Variants in JAKMIP1 observed in about 807,000 individuals in gnomAD.
The protein encoded by JAKMIP1 is janus kinase and microtubule interacting protein 1, also known as janus kinase and microtubule-interacting protein 1.
JAKMIP1 carries 33 observed loss-of-function variants against 113.0 expected under a neutral mutation model. That is an observed-to-expected ratio of 0.29 (90% CI 0.22 to 0.39). The LOEUF (loss-of-function observed/expected upper bound fraction) is 0.39. Among genes scored for constraint, JAKMIP1 ranks in the 10% least tolerant of loss-of-function variants. The probability of loss-of-function intolerance (pLI) is 1.00; values close to 1 mark genes in which losing one functional copy is unlikely to be tolerated. For synonymous variants in JAKMIP1, 480 were observed against 459.9 expected (o/e 1.04, Z -0.56); for missense variants, 813 against 1,080.5 (o/e 0.75, Z 3.47).
chr4:6,078,004 A>G (rs576137488), intron 8 of JAKMIP1, among the ~76,000 whole-genome samples: 2 of 152,220 alleles, frequency 1.3e-5, no homozygotes, highest in East Asian at 1.9e-4. Context: ...GCCATTCACT[A>G]TCACATTTGC....
At position 6,040,528 on chromosome 4, in the gene JAKMIP1, T is replaced by C; in HGVS notation, c.2175+111A>G. 1.3e-6 allele frequency: 1 copy of C among 749,658 alleles called. No individual in the cohort carries two copies. The highest frequency in any genetic ancestry group is 2.4e-6 in the Non-Finnish European group (1 of 414,200). The allele number at this position is 749,658 out of a possible 1,614,324, so 46.4% of individuals were successfully genotyped here. ...AAGGTGGAGATGGCATTTTTATCAC[T>C]CCTGTTTGGCACTGGGGAGCGCCCT... On this transcript the variant is annotated intron_variant, in intron 18 of 20. Transcript: ENST00000409021. This position sits in a 1 kb window ranked among gnomAD's most constrained non-coding sequence, Gnocchi z 5.8.
intron 18 of JAKMIP1, 104 bp from the exon 19 acceptor site, chr4:6,036,211 G>A (rs889925642): frequency 1.9e-5 from 16 of 858,326 alleles, no homozygotes; most frequent in African/African-American, 1.7e-4. Context: ...GGGGGGTTTC[G>A]GGCAGGGAGG....
rs974672853 is a variant in JAKMIP1 at position 6,157,889 on chromosome 4, T to A, written c.-148+42364A>T. ...GTCTATTTCCTTTCCTTGGGCTCTG[T>A]TAGAACCAAGGGTGTCTTGCTTTGC... On this transcript the variant is annotated intron_variant, in intron 1 of 20. Coordinates refer to ENST00000409021, the MANE Select transcript of JAKMIP1 (RefSeq NM_001099433.2). The surrounding 1 kb of genome is among the most constrained non-coding windows in gnomAD (Gnocchi z 4.7). Among the ~76,000 whole-genome samples the A allele has an allele frequency of 6.6e-6, 1 of 152,256 alleles. No individual in the cohort carries two copies. Among genetic ancestry groups the A allele is most frequent in the Non-Finnish European group, 1.5e-5 (1 of 68,048 alleles).
At chr4:6,096,029 G>T (rs554855186) in intron 3 of JAKMIP1, among the ~76,000 whole-genome samples, 1 of 152,220 alleles carries the variant, frequency 6.6e-6, no homozygotes, top group Non-Finnish European at 1.5e-5. Context: ...CTGAACAAGG[G>T]ACACTGAGGT....
At chr4:6,121,696 C>T (rs1030978089) in intron 1 of JAKMIP1, among the ~76,000 whole-genome samples, 1 of 152,226 alleles carries the variant, frequency 6.6e-6, no homozygotes, top group Non-Finnish European at 1.5e-5. Flanking sequence ...CGGCTCCAGC[C>T]ATGTTCAAGA....
chr4:6,144,265 G>C (rs747920414), intron 1 of JAKMIP1, among the ~76,000 whole-genome samples: 1 of 152,290 alleles, frequency 6.6e-6, no homozygotes, highest in Admixed American at 6.5e-5. Context: ...ACCTAGATAC[G>C]TAGAAAAGCA....
In JAKMIP1 at chr4:6,116,245, C is replaced by T. The variant is rs1715761794; in HGVS notation, c.-147-3248G>A. ...CCACACAGCATCACTGTAATCAGCCCCTCTGGCTGCGGGCTGCCCAAAGGT... is the reference window on the plus strand; with the variant it reads ...CCACACAGCATCACTGTAATCAGCCTCTCTGGCTGCGGGCTGCCCAAAGGT... On this transcript the variant is annotated intron_variant, in intron 1 of 20. Transcript: ENST00000409021. This position sits in a 1 kb window ranked among gnomAD's most constrained non-coding sequence, Gnocchi z 5.1. 6.6e-6 allele frequency among the ~76,000 whole-genome samples: 1 copy of T among 152,098 alleles called. No individual in the cohort carries two copies. The highest frequency in any genetic ancestry group is 1.5e-5 in the Non-Finnish European group (1 of 68,020).
rs1022041105 is a variant in JAKMIP1, at chr4:6,161,469, G to C, written c.-148+38784C>G. The stretch of plus-strand genomic sequence containing the variant: ...ATGGGAAGGTGGGAGAGCCACACCC[G>C]CCTGAACGGGGAGGTCCCCAAAGAC... On this transcript the variant is annotated intron_variant, in intron 1 of 20. Transcript: ENST00000409021. Among the ~76,000 whole-genome samples the C allele has an allele frequency of 2.0e-5, 3 of 152,222 alleles. No homozygotes were observed. The South Asian group carries it at 6.2e-4, about 32-fold the overall frequency.
chr4:6,186,345 T>C lies in JAKMIP1; in HGVS notation c.-148+13908A>G, dbSNP rs1431363855. Among the ~76,000 whole-genome samples the C allele has an allele frequency of 6.6e-6, 1 of 151,914 alleles. No homozygotes were observed. The highest frequency in any genetic ancestry group is 1.5e-5 in the Non-Finnish European group (1 of 67,962). On this transcript the variant is annotated intron_variant, in intron 1 of 20. Transcript: ENST00000409021. This position sits in a 1 kb window ranked among gnomAD's most constrained non-coding sequence, Gnocchi z 5.5. ...AAGGAGGTGGTTAGAGTCAGGGAAGTAGTCAAGTAGTCAGTTTGCAAAGGC... is the reference window on the plus strand; with the variant it reads ...AAGGAGGTGGTTAGAGTCAGGGAAGCAGTCAAGTAGTCAGTTTGCAAAGGC...
chr4:6,034,872 A>G (rs1261332740), intron 19 of JAKMIP1, among the ~76,000 whole-genome samples: 3 of 152,200 alleles, frequency 2.0e-5, no homozygotes, highest in Non-Finnish European at 2.9e-5. Context: ...CACCTAAATC[A>G]GTAGACTTTG....
chr4:6,041,298 G>A (rs767106994), intron 17 of JAKMIP1, among the ~76,000 whole-genome samples: 44 of 152,308 alleles, frequency 2.9e-4, no homozygotes, highest in Middle Eastern at 6.8e-3. Context: ...GACAAGGAAG[G>A]AAAGAGCCAG....
intron 1 of JAKMIP1, among the ~76,000 whole-genome samples, chr4:6,117,169 A>T (rs923512605): frequency 6.6e-6 from 1 of 152,104 alleles, no homozygotes; most frequent in African/African-American, 2.4e-5. Flanking sequence ...GCAGGGTGTG[A>T]CTCGGATTTC....
At chr4:6,037,737 G>A (rs1255809139) in intron 18 of JAKMIP1, among the ~76,000 whole-genome samples, 1 of 141,520 alleles carries the variant, frequency 7.1e-6, no homozygotes, top group Non-Finnish European at 1.5e-5. Flanking sequence ...CCATCACCGA[G>A]GCAGAGGCTA....
chr4:6,128,855 C>T (rs1718110580), intron 1 of JAKMIP1, among the ~76,000 whole-genome samples: 1 of 152,202 alleles, frequency 6.6e-6, no homozygotes, highest in African/African-American at 2.4e-5. Flanking sequence ...ATCAGCCACA[C>T]CTCACCCCTG....
In JAKMIP1 at chr4:6,153,784, A is replaced by G. The variant is rs1264522669; in HGVS notation, c.-147-40787T>C. Among the ~76,000 whole-genome samples, 3 of 152,240 alleles carry G rather than the reference A, an allele frequency of 2.0e-5. No individual in the cohort carries two copies. Among genetic ancestry groups the G allele is most frequent in the African/African-American group, 4.8e-5 (2 of 41,460 alleles). ...GCTTCAGGTGCTATATTTTATAACT[A>G]TAAGATACAGTTATATTTTCCCTAA... On this transcript the variant is annotated intron_variant, in intron 1 of 20. Transcript: ENST00000409021. This position sits in a 1 kb window ranked among gnomAD's most constrained non-coding sequence, Gnocchi z 4.9.
chr4:6,109,373 TC>T (rs1714532172), intron 2 of JAKMIP1, among the ~76,000 whole-genome samples: 2 of 151,862 alleles, frequency 1.3e-5, no homozygotes, highest in Admixed American at 1.3e-4. Context: ...GACCTCATTA[TC>T]CGCCCGCCTT....
intron 1 of JAKMIP1, among the ~76,000 whole-genome samples, chr4:6,144,067 A>C (rs1438560315): frequency 2.0e-5 from 3 of 152,200 alleles, no homozygotes; most frequent in African/African-American, 7.2e-5. Flanking sequence ...CATGACACAG[A>C]GGTCTGCTTT....
In JAKMIP1 at chr4:6,061,272, C is replaced by T. The variant is rs576219817; in HGVS notation, c.1561-765G>A. On this transcript the variant is annotated intron_variant, in intron 10 of 20. Transcript: ENST00000409021. The surrounding 1 kb of genome is among the most constrained non-coding windows in gnomAD (Gnocchi z 5.3). ...CAGCCCACACAAAGCCTCACAGTTT[C>T]CCTCCTCTGACCTAGATGACAAAGA... is the stretch of plus-strand genomic sequence containing the variant. Among the ~76,000 whole-genome samples, 1 of 152,316 alleles carries T rather than the reference C, an allele frequency of 6.6e-6. No homozygotes were observed. The highest frequency in any genetic ancestry group is 6.5e-5 in the Admixed American group (1 of 15,300).
intron 1 of JAKMIP1, among the ~76,000 whole-genome samples, chr4:6,159,063 TG>T (rs1210350853): frequency 6.7e-6 from 1 of 148,360 alleles, no homozygotes; most frequent in East Asian, 2.0e-4. Flanking sequence ...CACTCAAGCT[TG>T]GGTGACAGAG....
Sources: gnomAD v4.1 joint callset for allele counts (sites outside exome capture counted in the v4.1 genomes callset) on GRCh38, gnomAD v4.1.1 for gene constraint, Gnocchi (gnomAD v3.1) non-coding constraint, MANE v1.5 for transcripts, NCBI Gene and HGNC (gene_info 2026-07-23, HGNC 2026-07-21) for gene names.